Variants in KIF5A observed in about 807,000 individuals in gnomAD.
The protein encoded by KIF5A is kinesin family member 5A.
Under a neutral mutation model 141.3 loss-of-function variants are expected in KIF5A, and 35 were observed. That is an observed-to-expected ratio of 0.25 (90% confidence interval 0.19 to 0.33). The LOEUF is 0.33. KIF5A is among the 10% of genes least tolerant of loss of function. The pLI, the probability that KIF5A is intolerant of heterozygous loss-of-function variation, is 1.00. For synonymous variants in KIF5A, 448 were observed against 500.2 expected, an observed-to-expected ratio of 0.90 and a Z score of 1.39; for missense variants, 861 against 1,314.3, an observed-to-expected ratio of 0.66 and a Z score of 5.33.
chr12:57,570,111 G>A lies in KIF5A; in HGVS notation c.1242G>A (p.Arg414=). Residue 414 remains arginine, a synonymous_variant, in exon 12 of 29, where the codon CGG becomes CGA. Coordinates refer to ENST00000455537, the MANE Select transcript of KIF5A (RefSeq NM_004984.4). The stretch of plus-strand genomic sequence containing the variant: ...TGGTGCGCATCGCGCCCGAGGAGCG[G>A]CAGAAATACGAGGAGGAGATCCGCC... The part of the protein sequence containing the change: ...SIVVRIAPEE[R]QKYEEEIRRL... 1 of 1,614,132 alleles carries A rather than the reference G, an allele frequency of 6.2e-7. No individual in the cohort carries two copies.
intron 23 of KIF5A, among the ~76,000 whole-genome samples, chr12:57,580,301 C>T (rs942913548): frequency 3.3e-5 from 5 of 152,210 alleles, no homozygotes; most frequent in African/African-American, 1.2e-4. Context: ...CTTAATTTCA[C>T]TGGGGGAGGG....
At chr12:57,562,436 G>A (rs1213103872) in intron 1 of KIF5A, among the ~76,000 whole-genome samples, 1 of 152,126 alleles carries the variant, frequency 6.6e-6, no homozygotes, top group East Asian at 1.9e-4. Context: ...GGCTGGTCTC[G>A]AACTCCTCAC....
chr12:57,573,858 C>G (rs114030046), intron 15 of KIF5A, among the ~76,000 whole-genome samples: 3,400 of 149,546 alleles, frequency 0.023, 125 homozygotes, highest in African/African-American at 0.079. Flanking sequence ...TTTGGGAGGC[C>G]GAGGCGAGGT....
At chr12:57,569,448 C>T (rs773241571) in intron 10 of KIF5A, 44 bp downstream of exon 10, 7 of 1,613,552 alleles carry the variant, frequency 4.3e-6, no homozygotes, top group Non-Finnish European at 5.9e-6. Flanking sequence ...ACCCAGCTTC[C>T]CATCCCAGCC....
intron 6 of KIF5A, among the ~76,000 whole-genome samples, 174 bp downstream of exon 6, chr12:57,565,147 T>C (rs1208214307): frequency 6.6e-6 from 1 of 152,160 alleles, no homozygotes; most frequent in Non-Finnish European, 1.5e-5. Context: ...TGGCTGGGCA[T>C]GGTGGCTCAT....
At chr12:57,560,451 A>G (rs538617032) in intron 1 of KIF5A, among the ~76,000 whole-genome samples, 2 of 152,294 alleles carry the variant, frequency 1.3e-5, no homozygotes, top group Admixed American at 1.3e-4. Flanking sequence ...TTGAATTGTT[A>G]TATGGATGTA....
At position 57,550,538 on chromosome 12, in the gene KIF5A, T is replaced by A. The variant is rs1881539086; in HGVS notation, c.129+138T>A. The A allele has an allele frequency of 3.6e-6, 3 of 835,092 alleles. No individual in the cohort carries two copies. Among genetic ancestry groups the A allele is most frequent in the East Asian group, 3.1e-5 (1 of 32,350 alleles). 51.7% of individuals were successfully genotyped at this position (835,092 alleles called of 1,614,324 possible). ...CCTTCATCCTCTTCCCCGCAGCCCC[T>A]CCTCTCCCCTGCATCAGGATGGCTG... On this transcript the variant is annotated intron_variant, in intron 1 of 28. Coordinates refer to ENST00000455537, the MANE Select transcript of KIF5A (RefSeq NM_004984.4). This position sits in a 1 kb window ranked among gnomAD's most constrained non-coding sequence, Gnocchi z 4.6.
In KIF5A at chr12:57,572,140, A is replaced by C; in HGVS notation, c.1442A>C (p.Lys481Thr). Reference sequence around the variant, plus strand: ...CTGCAATCAGAGAACGATGCCGCTAAGGATGAGGTGAAGGAAGTGCTGCAG... The same window carrying C: ...CTGCAATCAGAGAACGATGCCGCTACGGATGAGGTGAAGGAAGTGCTGCAG... Reference protein sequence around the residue: ...SHLQSENDAAKDEVKEVLQAL... With the variant: ...SHLQSENDAATDEVKEVLQAL... Residue 481 changes from lysine to threonine, a missense_variant, in exon 14 of 29, where the codon AAG becomes ACG. By Grantham distance (78) the Lys-to-Thr change is moderately conservative. Transcript: ENST00000455537. This position sits in a 1 kb window ranked among gnomAD's most constrained non-coding sequence, Gnocchi z 4.2. 6.2e-7 allele frequency: 1 copy of C among 1,614,186 alleles called. No homozygotes were observed.
At position 57,576,119 on chromosome 12, in the gene KIF5A, G is replaced by A. The variant is rs538986257; in HGVS notation, c.2056G>A (p.Glu686Lys). 6 of 1,614,214 alleles carry A rather than the reference G, an allele frequency of 3.7e-6. No individual in the cohort carries two copies. The South Asian group carries it at 6.6e-5, about 18-fold the overall frequency. Reference protein sequence around the residue: ...TVHEVALKDKEPDTQDADEVK... With the variant: ...TVHEVALKDKKPDTQDADEVK... ...GCATGAAGTGGCCCTGAAGGACAAG[G>A]AGCCTGACACTCAGGATGCAGATGA... The change falls in exon 18 of 29, where the codon GAG becomes AAG. Residue 686 changes from glutamate (E) to lysine (K), a missense_variant. Physicochemically the swap from Glu to Lys is moderately conservative, Grantham distance 56. Transcript: ENST00000455537.
At chr12:57,555,230 G>T (rs1349059931) in intron 1 of KIF5A, among the ~76,000 whole-genome samples, 1 of 152,148 alleles carries the variant, frequency 6.6e-6, no homozygotes, top group Non-Finnish European at 1.5e-5. Context: ...TGTGTTATGA[G>T]AGCTGTAAAT....
chr12:57,569,475 C>T (rs1882176765), intron 10 of KIF5A, 60 bp from the exon 11 acceptor site: 3 of 1,613,440 alleles, frequency 1.9e-6, no homozygotes, highest in Non-Finnish European at 2.5e-6. Context: ...GCTCTCTCTC[C>T]TCAGGGTCAC....
At position 57,585,031 on chromosome 12, in the gene KIF5A, A is replaced by G. The variant is rs1565706804; in HGVS notation, c.*850A>G. ...CCTGTCAATGGCTGCTCATCTGTCC[A>G]TGGAGATGGTTACAGGCAGGTGTAG... On this transcript the variant is annotated 3_prime_UTR_variant, in exon 29 of 29. Transcript: ENST00000455537. 6.6e-6 allele frequency: 1 copy of G among 152,194 alleles called. No homozygotes were observed. The highest frequency in any genetic ancestry group is 1.9e-4 in the East Asian group (1 of 5,194). 9.4% of individuals were successfully genotyped at this position (152,194 alleles called of 1,614,324 possible).
chr12:57,561,129 T>G (rs894234401), intron 1 of KIF5A, among the ~76,000 whole-genome samples: 7 of 152,176 alleles, frequency 4.6e-5, no homozygotes, highest in Non-Finnish European at 8.8e-5. Context: ...AACCTCTGCC[T>G]TTTGAGCTCA....
At chr12:57,565,055 A>C (rs1882021489) in intron 6 of KIF5A, 82 bp downstream of exon 6, 1 of 1,255,066 alleles carries the variant, frequency 8.0e-7, no homozygotes, top group African/African-American at 1.5e-5. Context: ...AGTGACCCTG[A>C]AGTTGGAGGG....
chr12:57,563,861 T>A (rs960023016), intron 3 of KIF5A, among the ~76,000 whole-genome samples, 168 bp downstream of exon 3: 5 of 152,108 alleles, frequency 3.3e-5, no homozygotes, highest in Admixed American at 6.5e-5. Context: ...ATGGAATCCC[T>A]CCAACCCACT....
At chr12:57,573,615 A>G (rs1372744212) in intron 15 of KIF5A, among the ~76,000 whole-genome samples, 1 of 151,886 alleles carries the variant, frequency 6.6e-6, no homozygotes, top group Admixed American at 6.6e-5. Flanking sequence ...GGATCACCTG[A>G]GGTCAGGAGT....
At chr12:57,564,806 G>T in intron 5 of KIF5A, 112 bp from the exon 6 acceptor site, 1 of 1,036,620 alleles carries the variant, frequency 9.6e-7, no homozygotes, top group South Asian at 1.3e-5. Context: ...GGCTTCACAG[G>T]GAGAGTCTTC....
chr12:57,550,240 A>G lies in KIF5A; in HGVS notation c.-32A>G. The G allele has an allele frequency of 1.9e-6, 3 of 1,613,442 alleles. No individual in the cohort carries two copies. Among genetic ancestry groups the G allele is most frequent in the Middle Eastern group, 1.7e-4 (1 of 5,730 alleles). On this transcript the variant is annotated 5_prime_UTR_variant, in exon 1 of 29. Coordinates refer to ENST00000455537, the MANE Select transcript of KIF5A (RefSeq NM_004984.4). The surrounding 1 kb of genome is among the most constrained non-coding windows in gnomAD (Gnocchi z 4.6). ...GAGCACACACCACCCCTGCAGCCCAAGAAGAGTCCCAGCCCCACGCCGGCT... is the reference window on the plus strand; with the variant it reads ...GAGCACACACCACCCCTGCAGCCCAGGAAGAGTCCCAGCCCCACGCCGGCT...
chr12:57,578,725 A>G (rs1390226374), intron 23 of KIF5A, among the ~76,000 whole-genome samples: 7 of 152,148 alleles, frequency 4.6e-5, no homozygotes, highest in Non-Finnish European at 7.4e-5. Flanking sequence ...TTTCGTGGAG[A>G]GAACTCCATC....
Sources: allele counts gnomAD v4.1 joint callset (sites outside exome capture counted in the v4.1 genomes callset), GRCh38; gene constraint gnomAD v4.1.1; non-coding constraint Gnocchi (gnomAD v3.1); transcripts MANE v1.5; gene names NCBI Gene and HGNC (gene_info 2026-07-23, HGNC 2026-07-21).